Variants in KIAA1217 observed in about 807,000 individuals in gnomAD.
KIAA1217 encodes sickle tail protein homolog.
Under a neutral mutation model 163.9 loss-of-function variants are expected in KIAA1217, and 88 were observed. The observed-to-expected ratio is 0.54, with a 90% CI of 0.45 to 0.64. The LOEUF (loss-of-function observed/expected upper bound fraction) is 0.64. Among genes scored for constraint, KIAA1217 ranks in the 30% least tolerant of loss-of-function variants. The probability of loss-of-function intolerance (pLI) is 0.00; values close to 1 mark genes in which losing one functional copy is unlikely to be tolerated. For missense variants in KIAA1217, 2,372 were observed against 2,475.0 expected, an observed-to-expected ratio of 0.96 and a Z score of 0.88; for synonymous variants, 903 against 923.1, an observed-to-expected ratio of 0.98 and a Z score of 0.39.
chr10:23,707,544 T>C (rs950562167), intron 1 of KIAA1217, among the ~76,000 whole-genome samples: 21 of 152,064 alleles, frequency 1.4e-4, no homozygotes, highest in African/African-American at 5.1e-4. Context: ...AATGGCCACA[T>C]ACAGGGTGGA....
intron 2 of KIAA1217, among the ~76,000 whole-genome samples, chr10:24,313,413 G>T (rs905603355): frequency 2.0e-5 from 3 of 152,170 alleles, no homozygotes; most frequent in Non-Finnish European, 4.4e-5. Flanking sequence ...GTGAGCAGCC[G>T]GGCTGTGTTC....
chr10:24,171,466 T>C (rs887592635), intron 2 of KIAA1217, among the ~76,000 whole-genome samples: 4 of 152,246 alleles, frequency 2.6e-5, no homozygotes, highest in African/African-American at 7.2e-5. Context: ...AATTTCCAAA[T>C]TACAATAAAT....
chr10:24,506,905 A>G (rs1418852102), intron 9 of KIAA1217, among the ~76,000 whole-genome samples: 4 of 152,242 alleles, frequency 2.6e-5, no homozygotes, highest in African/African-American at 9.6e-5. Context: ...TGGGTCTGTT[A>G]TTAAATATTA....
At chr10:24,418,961 A>G (rs1263200571) in intron 3 of KIAA1217, among the ~76,000 whole-genome samples, 1 of 151,926 alleles carries the variant, frequency 6.6e-6, no homozygotes, top group Admixed American at 6.6e-5. Flanking sequence ...CGGATTACCT[A>G]AGGTCAGGAG....
chr10:24,036,626 A>G (rs565201795), intron 2 of KIAA1217, among the ~76,000 whole-genome samples: 1 of 152,322 alleles, frequency 6.6e-6, no homozygotes, highest in East Asian at 1.9e-4. Flanking sequence ...CAATCGTGGC[A>G]GAAGGTGAAG....
chr10:24,434,699 TC>T (rs1170935333), intron 4 of KIAA1217, among the ~76,000 whole-genome samples: 1 of 152,208 alleles, frequency 6.6e-6, no homozygotes, highest in Non-Finnish European at 1.5e-5. Flanking sequence ...TTTGATCTGT[TC>T]CAACCAAACA....
chr10:24,214,564 A>C (rs4323778), intron 1 of KIAA1217, among the ~76,000 whole-genome samples: 88,827 of 151,988 alleles, frequency 0.58, 26,253 homozygotes, highest in East Asian at 0.7. Context: ...TAGTACAAGG[A>C]CCCAGTGAGA....
intron 2 of KIAA1217, among the ~76,000 whole-genome samples, chr10:24,176,506 TG>T (rs2131933909): frequency 6.6e-6 from 1 of 152,148 alleles, no homozygotes; most frequent in Admixed American, 6.5e-5. Context: ...GAGCACTGGT[TG>T]GTGCATTTAC....
intron 1 of KIAA1217, among the ~76,000 whole-genome samples, chr10:24,000,408 C>A (rs973205603): frequency 1.3e-5 from 2 of 152,164 alleles, no homozygotes; most frequent in South Asian, 4.1e-4. Context: ...CTTGCTGCCA[C>A]CATGTGAAGA....
rs561190869 is a variant in KIAA1217, at chr10:24,495,147, C to T, written c.1785C>T (p.Ser595=). The T allele has an allele frequency of 3.2e-5, 51 of 1,609,828 alleles. No homozygotes were observed. In the South Asian group the frequency reaches 3.3e-4, roughly 10 times the overall value. The change falls in exon 8 of 21, where the codon AGC becomes AGT. Residue 595 remains serine (S), a splice_region_variant and synonymous_variant. Transcript: ENST00000376454. Reference sequence around the variant, plus strand: ...CTGACTCTCTTTTTCTTTTATTCAGCGAGAAAATGATGAAAACCACAGCCA... The same window carrying T: ...CTGACTCTCTTTTTCTTTTATTCAGTGAGAAAATGATGAAAACCACAGCCA... The part of the protein sequence containing the change: ...PITSYSKDAS[S]EKMMKTTANR...
At chr10:23,903,549 A>G (rs1409547061) in intron 1 of KIAA1217, among the ~76,000 whole-genome samples, 9 of 152,130 alleles carry the variant, frequency 5.9e-5, no homozygotes, top group Admixed American at 5.9e-4. Flanking sequence ...GTAAGATCTA[A>G]TGGTCATAAA....
intron 2 of KIAA1217, among the ~76,000 whole-genome samples, chr10:24,067,313 G>C (rs1406712551): frequency 6.6e-6 from 1 of 152,112 alleles, no homozygotes; most frequent in Non-Finnish European, 1.5e-5. Flanking sequence ...ACGTACTGAT[G>C]GGTTTTTGGT....
intron 1 of KIAA1217, among the ~76,000 whole-genome samples, chr10:23,847,331 T>C (rs1839088447): frequency 6.6e-6 from 1 of 152,146 alleles, no homozygotes; most frequent in Non-Finnish European, 1.5e-5. Flanking sequence ...TCCTTGTACC[T>C]CTGGTAGAAT....
intron 2 of KIAA1217, among the ~76,000 whole-genome samples, chr10:24,220,533 C>T (rs1306541154): frequency 7.0e-6 from 1 of 142,992 alleles, no homozygotes; most frequent in African/African-American, 2.8e-5. Flanking sequence ...TGGTTCACTG[C>T]AAGCTCTGCC....
At chr10:24,257,341 G>T (rs934641404) in intron 2 of KIAA1217, among the ~76,000 whole-genome samples, 10 of 152,154 alleles carry the variant, frequency 6.6e-5, no homozygotes, top group Non-Finnish European at 1.2e-4. Flanking sequence ...AACGGCGTGG[G>T]GGGTGGAGGG....
At chr10:23,745,503 G>A (rs1839353652) in intron 1 of KIAA1217, among the ~76,000 whole-genome samples, 1 of 152,148 alleles carries the variant, frequency 6.6e-6, no homozygotes, top group Admixed American at 6.5e-5. Flanking sequence ...GGAGAAATTG[G>A]CAATAGACTT....
Position 24,402,519 on chromosome 10 carries a change from AAAACAAAAC to A in KIAA1217, c.553+21456_553+21464del, listed in dbSNP as rs1479899470. On this transcript the variant is annotated intron_variant, in intron 3 of 20. Coordinates refer to ENST00000376454, the MANE Select transcript of KIAA1217 (RefSeq NM_019590.5). ...GCAAGACTCCCTCTCAAAAAAACAA[AAAACAAAAC>A]AAAAAAAAAAAAAAGGCAAAGGAGT... Among the ~76,000 whole-genome samples the A allele has an allele frequency of 4.2e-5, 6 of 141,912 alleles. 1 individual carries two copies. The highest frequency in any genetic ancestry group is 2.1e-4 in the East Asian group (1 of 4,826). 93.1% of individuals were successfully genotyped at this position (141,912 alleles called of 152,430 possible).
At chr10:23,958,866 A>G (rs1212213078) in intron 1 of KIAA1217, among the ~76,000 whole-genome samples, 1 of 151,114 alleles carries the variant, frequency 6.6e-6, no homozygotes, top group African/African-American at 2.4e-5. Context: ...TCTCGCAGAC[A>G]GGCTCTTCCT....
At chr10:24,377,192 C>A (rs2052627202) in intron 2 of KIAA1217, among the ~76,000 whole-genome samples, 1 of 152,108 alleles carries the variant, frequency 6.6e-6, no homozygotes, top group African/African-American at 2.4e-5. Context: ...TCATGCATGA[C>A]CCCAAAGGGC....
Sources: gnomAD v4.1 joint callset for allele counts (sites outside exome capture counted in the v4.1 genomes callset) on GRCh38, gnomAD v4.1.1 for gene constraint, MANE v1.5 for transcripts, NCBI Gene and HGNC (gene_info 2026-07-23, HGNC 2026-07-21) for gene names.